MACROD2: variants seen among roughly 807,000 people sequenced by gnomAD.
MACROD2 encodes ADP-ribose glycohydrolase MACROD2.
Under a neutral mutation model 70.4 loss-of-function variants are expected in MACROD2, and 36 were observed. The observed-to-expected ratio is 0.51, with a 90% CI of 0.39 to 0.68. The LOEUF (loss-of-function observed/expected upper bound fraction) is 0.68, where lower values mean the gene tolerates loss of function less well. MACROD2 is among the 30% of genes least tolerant of loss of function. The probability of loss-of-function intolerance (pLI) is 0.00; values close to 1 mark genes in which losing one functional copy is unlikely to be tolerated. For synonymous variants in MACROD2, 172 were observed against 178.8 expected (o/e 0.96, Z 0.30); for missense variants, 496 against 538.4 (o/e 0.92, Z 0.78).
At chr20:15,377,172 A>G (rs927283498) in intron 6 of MACROD2, among the ~76,000 whole-genome samples, 3 of 152,106 alleles carry the variant, frequency 2.0e-5, no homozygotes, top group South Asian at 2.1e-4. Flanking sequence ...TTACAGGCAT[A>G]AGCCACCACG....
At chr20:15,027,314 C>T (rs533594194) in intron 5 of MACROD2, among the ~76,000 whole-genome samples, 116 of 152,166 alleles carry the variant, frequency 7.6e-4, no homozygotes, top group African/African-American at 2.7e-3. Context: ...ATTTCCATAG[C>T]TTTAACAGAC....
intron 8 of MACROD2, among the ~76,000 whole-genome samples, chr20:15,638,920 G>C (rs1037610919): frequency 1.3e-5 from 2 of 152,156 alleles, no homozygotes; most frequent in Admixed American, 6.5e-5. Flanking sequence ...GGTCCGCAGG[G>C]TGTGAGTAGA....
intron 6 of MACROD2, among the ~76,000 whole-genome samples, chr20:15,311,757 A>AG (rs1356765832): frequency 6.6e-6 from 1 of 152,098 alleles, no homozygotes; most frequent in African/African-American, 2.4e-5. Flanking sequence ...CATAAAGATG[A>AG]CACAATCGAC....
At chr20:14,753,072 G>A (rs112562213) in intron 5 of MACROD2, among the ~76,000 whole-genome samples, 3 of 152,016 alleles carry the variant, frequency 2.0e-5, no homozygotes, top group Non-Finnish European at 2.9e-5. Context: ...AGCCAGACAC[G>A]TGCACATCCT....
At chr20:15,821,464 A>G (rs896390043) in intron 8 of MACROD2, among the ~76,000 whole-genome samples, 11 of 152,134 alleles carry the variant, frequency 7.2e-5, no homozygotes, top group Non-Finnish European at 1.2e-4. Context: ...CCCTGACATC[A>G]CCATGATAGC....
chr20:15,157,118 T>C (rs2076311950), intron 5 of MACROD2, among the ~76,000 whole-genome samples: 1 of 152,140 alleles, frequency 6.6e-6, no homozygotes, highest in Non-Finnish European at 1.5e-5. Flanking sequence ...ACAGACTGGG[T>C]GGCTTAAACA....
chr20:14,426,561 G>A (rs978205810), intron 3 of MACROD2, among the ~76,000 whole-genome samples: 1 of 152,060 alleles, frequency 6.6e-6, no homozygotes, highest in African/African-American at 2.4e-5. Flanking sequence ...TAAAGGTGTG[G>A]GACAAAGTAG....
chr20:14,249,484 G>T (rs2081993572), intron 3 of MACROD2, among the ~76,000 whole-genome samples: 1 of 151,988 alleles, frequency 6.6e-6, no homozygotes, highest in Non-Finnish European at 1.5e-5. Context: ...CTTCGTCTTG[G>T]TTCTGCCTGC....
intron 5 of MACROD2, among the ~76,000 whole-genome samples, chr20:14,840,787 A>C (rs1255682335): frequency 6.6e-6 from 1 of 152,110 alleles, no homozygotes; most frequent in Non-Finnish European, 1.5e-5. Flanking sequence ...CTTTGCTCTT[A>C]TCTGAAAGCT....
intron 5 of MACROD2, among the ~76,000 whole-genome samples, chr20:14,952,281 AG>A (rs1423582624): frequency 2.6e-5 from 4 of 152,098 alleles, no homozygotes; most frequent in Admixed American, 1.3e-4. Flanking sequence ...CATGAGTTGG[AG>A]TTCATGGTCA....
chr20:15,740,211 A>T (rs1158925129), intron 8 of MACROD2, among the ~76,000 whole-genome samples: 26 of 152,178 alleles, frequency 1.7e-4, no homozygotes, highest in Admixed American at 1.7e-3. Flanking sequence ...TCTTTGTTTC[A>T]TTGGCCAAAA....
chr20:15,495,827 C>T (rs2047290269), intron 7 of MACROD2, among the ~76,000 whole-genome samples: 1 of 152,170 alleles, frequency 6.6e-6, no homozygotes, highest in South Asian at 2.1e-4. Context: ...GAAAACACAA[C>T]ATAGGGAGTC....
intron 5 of MACROD2, among the ~76,000 whole-genome samples, chr20:15,117,832 C>T (rs536520921): frequency 3.3e-5 from 5 of 152,258 alleles, no homozygotes; most frequent in East Asian, 1.9e-4. Context: ...GATGGAATGA[C>T]GATACTTTGT....
At chr20:14,324,737 G>A (rs531493314) in intron 3 of MACROD2, 1 of 152,162 alleles carries the variant, frequency 6.6e-6, no homozygotes, top group Middle Eastern at 3.4e-3. Context: ...TTTGGTATTT[G>A]TGTTCATTAC....
intron 3 of MACROD2, among the ~76,000 whole-genome samples, chr20:14,230,991 CTT>C (rs897655362): frequency 7.0e-6 from 1 of 142,422 alleles, no homozygotes; most frequent in African/African-American, 2.6e-5. Flanking sequence ...TGAAAGGAAT[CTT>C]TTTTTTTTTT....
At chr20:14,154,578 T>C (rs1353627129) in intron 3 of MACROD2, among the ~76,000 whole-genome samples, 5 of 104,026 alleles carry the variant, frequency 4.8e-5, no homozygotes, top group African/African-American at 1.9e-4. Flanking sequence ...TTTTTTTTTT[T>C]TTTTTTTGGA....
At chr20:14,271,385 G>T (rs1029485321) in intron 3 of MACROD2, among the ~76,000 whole-genome samples, 10 of 152,334 alleles carry the variant, frequency 6.6e-5, no homozygotes, top group East Asian at 5.8e-4. Context: ...GACAAACAGG[G>T]TCTGGAGTGG....
At chr20:14,791,209 C>G (rs979225351) in intron 5 of MACROD2, among the ~76,000 whole-genome samples, 4 of 152,128 alleles carry the variant, frequency 2.6e-5, no homozygotes, top group African/African-American at 9.6e-5. Context: ...TTTAAATATA[C>G]TATGTTGAAT....
intron 5 of MACROD2, among the ~76,000 whole-genome samples, chr20:14,984,300 G>A (rs367804635): frequency 1.1e-4 from 17 of 152,162 alleles, no homozygotes; most frequent in South Asian, 8.3e-4. Context: ...GTTCTTGGGC[G>A]GAGAACTAGT....
Sources: allele counts gnomAD v4.1 joint callset (sites outside exome capture counted in the v4.1 genomes callset), GRCh38; gene constraint gnomAD v4.1.1; transcripts MANE v1.5; gene names NCBI Gene and HGNC (gene_info 2026-07-23, HGNC 2026-07-21).